HOMER1: variants seen among roughly 807,000 people sequenced by gnomAD.
HOMER1 encodes the protein homer protein homolog 1.
A neutral mutation model predicts 48.9 loss-of-function variants in HOMER1; 3 were observed. That is an observed-to-expected ratio of 0.06 (90% CI 0.03 to 0.16). HOMER1 has a LOEUF of 0.16. Ranked by LOEUF, HOMER1 falls within the 10% of genes least tolerant of loss-of-function variation. The pLI is 1.00. For missense variants in HOMER1, 247 were observed against 411.4 expected, an observed-to-expected ratio of 0.60 and a Z score of 3.46; for synonymous variants, 134 against 146.4, an observed-to-expected ratio of 0.92 and a Z score of 0.61.
At chr5:79,396,348 A>G (rs1195782499) in intron 8 of HOMER1, among the ~76,000 whole-genome samples, 1 of 151,956 alleles carries the variant, frequency 6.6e-6, no homozygotes, top group Non-Finnish European at 1.5e-5. Context: ...ATCAATTTGC[A>G]AATTTTTCTT....
At chr5:79,412,233 AC>A (rs984160242) in intron 5 of HOMER1, among the ~76,000 whole-genome samples, 5 of 152,184 alleles carry the variant, frequency 3.3e-5, no homozygotes, top group African/African-American at 1.2e-4. Flanking sequence ...AAAGCACTCC[AC>A]AGCACTGCTT....
chr5:79,442,381 A>G (rs1378012794), intron 4 of HOMER1, among the ~76,000 whole-genome samples: 2 of 152,228 alleles, frequency 1.3e-5, no homozygotes, highest in African/African-American at 2.4e-5. Context: ...AAAACCCACA[A>G]CTGAAATTTT....
chr5:79,426,043 T>C (rs1186446862), intron 5 of HOMER1, among the ~76,000 whole-genome samples: 1 of 149,660 alleles, frequency 6.7e-6, no homozygotes, highest in South Asian at 2.1e-4. Context: ...TTGATGAAAA[T>C]TGAAAAAAAA....
intron 1 of HOMER1, among the ~76,000 whole-genome samples, chr5:79,511,674 G>T (rs1580052304): frequency 6.6e-6 from 1 of 152,290 alleles, no homozygotes; most frequent in East Asian, 1.9e-4. Flanking sequence ...ATTAATTTCT[G>T]AGGAACGTCT....
In HOMER1 at chr5:79,373,728, C is replaced by T. The variant is rs1748690436; in HGVS notation, c.*2281G>A. The T allele has an allele frequency of 6.6e-6, 1 of 151,820 alleles. No homozygotes were observed. Among genetic ancestry groups the T allele is most frequent in the South Asian group, 2.1e-4 (1 of 4,816 alleles). 9.4% of individuals were successfully genotyped at this position (151,820 alleles called of 1,614,324 possible). On this transcript the variant is annotated 3_prime_UTR_variant, in exon 9 of 9. Transcript: ENST00000334082. ...ACAATCTGGGAATTTAAAGGTGCAG[C>T]CCTCAAGAGATTGTTAAATCACTAA... is the stretch of plus-strand genomic sequence containing the variant.
intron 5 of HOMER1, among the ~76,000 whole-genome samples, chr5:79,436,785 T>G (rs551144323): frequency 6.6e-6 from 1 of 152,356 alleles, no homozygotes; most frequent in South Asian, 2.1e-4. Flanking sequence ...CTCAGTGTTC[T>G]ATACCTCAGG....
intron 4 of HOMER1, among the ~76,000 whole-genome samples, chr5:79,442,469 G>GT (rs1750760154): frequency 6.6e-6 from 1 of 152,212 alleles, no homozygotes; most frequent in Non-Finnish European, 1.5e-5. Flanking sequence ...TCTAGGACAA[G>GT]CCTTTAGGGT....
At chr5:79,410,513 A>G (rs1047439766) in intron 5 of HOMER1, among the ~76,000 whole-genome samples, 2 of 151,566 alleles carry the variant, frequency 1.3e-5, no homozygotes, top group African/African-American at 4.8e-5. Flanking sequence ...AAAAAGAAAA[A>G]AGAAATAGAA....
chr5:79,436,202 G>A (rs996244182), intron 5 of HOMER1, among the ~76,000 whole-genome samples: 1 of 152,092 alleles, frequency 6.6e-6, no homozygotes, highest in African/African-American at 2.4e-5. Context: ...GTTCCTTTGT[G>A]ATGGGAAAAA....
At chr5:79,446,396 A>C (rs1191723839) in intron 4 of HOMER1, among the ~76,000 whole-genome samples, 1 of 152,008 alleles carries the variant, frequency 6.6e-6, no homozygotes, top group Non-Finnish European at 1.5e-5. Context: ...CCACCTTAAG[A>C]CTTTCCCTGT....
At chr5:79,501,459 T>C (rs1256841696) in intron 1 of HOMER1, among the ~76,000 whole-genome samples, 2 of 152,158 alleles carry the variant, frequency 1.3e-5, no homozygotes, top group Non-Finnish European at 2.9e-5. Context: ...GGTGGGGCAA[T>C]TAGTACCTCT....
At chr5:79,436,583 A>G (rs900491298) in intron 5 of HOMER1, among the ~76,000 whole-genome samples, 3 of 152,234 alleles carry the variant, frequency 2.0e-5, no homozygotes, top group African/African-American at 7.2e-5. Flanking sequence ...CTACTGAAAC[A>G]GTTTCTACCC....
chr5:79,412,079 A>G (rs941220258), intron 5 of HOMER1, among the ~76,000 whole-genome samples: 36 of 152,242 alleles, frequency 2.4e-4, no homozygotes, highest in African/African-American at 8.7e-4. Context: ...AGATCATGCC[A>G]CAGCACTCCA....
rs76929963 is a variant in HOMER1, at chr5:79,392,834, C to A, written c.876+3989G>T. ...CCTTTTCTACTGTATTTTTACTGTACCTTTTCTATCGTTTCTACTGTATTT... is the reference window on the plus strand; with the variant it reads ...CCTTTTCTACTGTATTTTTACTGTAACTTTTCTATCGTTTCTACTGTATTT... On this transcript the variant is annotated intron_variant, in intron 8 of 8. Coordinates refer to ENST00000334082, the MANE Select transcript of HOMER1 (RefSeq NM_004272.5). Among the ~76,000 whole-genome samples, 178 of 152,016 alleles carry A rather than the reference C, an allele frequency of 1.2e-3. 3 individuals carry two copies. The East Asian group carries it at 0.03, about 26-fold the overall frequency.
At chr5:79,432,969 A>C (rs1482578597) in intron 5 of HOMER1, among the ~76,000 whole-genome samples, 1 of 152,206 alleles carries the variant, frequency 6.6e-6, no homozygotes, top group African/African-American at 2.4e-5. Flanking sequence ...AATGATATTT[A>C]AGTCAATTAT....
chr5:79,404,078 C>G (rs1561350341), intron 5 of HOMER1, among the ~76,000 whole-genome samples: 2 of 152,120 alleles, frequency 1.3e-5, no homozygotes, highest in East Asian at 3.9e-4. Flanking sequence ...CAGTTTTTCC[C>G]CTATAGAGAT....
chr5:79,447,273 T>C, intron 3 of HOMER1, 128 bp from the exon 4 acceptor site: 1 of 610,782 alleles, frequency 1.6e-6, no homozygotes, highest in African/African-American at 1.9e-5. Context: ...CCAAACCAAT[T>C]ATAGCTTCTA....
rs114684528 is a variant in HOMER1 at position 79,430,526 on chromosome 5, T to G, written c.527+8484A>C. Among the ~76,000 whole-genome samples, 626 of 152,286 alleles carry G rather than the reference T, an allele frequency of 4.1e-3. 6 individuals carry two copies. The highest frequency in any genetic ancestry group is 0.014 in the African/African-American group (590 of 41,560). ...ACTACTAGGTATATACTCAAGAGAA[T>G]TGAAAACATACATCTGCACAAAAAC... On this transcript the variant is annotated intron_variant, in intron 5 of 8. Transcript: ENST00000334082.
At chr5:79,385,842 C>CAAAAAAAAA (rs33968519) in intron 8 of HOMER1, among the ~76,000 whole-genome samples, 3 of 70,794 alleles carry the variant, frequency 4.2e-5, no homozygotes, top group Non-Finnish European at 7.3e-5. Context: ...GACTCTGTCT[C>CAAAAAAAAA]AAAAAAAAAA....
Sources: allele counts gnomAD v4.1 joint callset (sites outside exome capture counted in the v4.1 genomes callset), GRCh38; gene constraint gnomAD v4.1.1; transcripts MANE v1.5; gene names NCBI Gene and HGNC (gene_info 2026-07-23, HGNC 2026-07-21).